Variants in ARHGAP21 observed in about 807,000 individuals in gnomAD.
ARHGAP21 encodes the protein rho GTPase-activating protein 21.
In ARHGAP21, 38 loss-of-function variants were observed where a neutral mutation model predicts 164.6. The ratio of observed to expected loss-of-function variants is 0.23; its 90% CI spans 0.18 to 0.30. The LOEUF (loss-of-function observed/expected upper bound fraction) is 0.30, where lower values mean the gene tolerates loss of function less well. Ranked by LOEUF, ARHGAP21 falls within the 10% of genes least tolerant of loss-of-function variation. The pLI is 1.00. For synonymous variants in ARHGAP21, 766 were observed against 857.9 expected, an observed-to-expected ratio of 0.89 and a Z score of 1.87; for missense variants, 1,822 against 2,370.7, an observed-to-expected ratio of 0.77 and a Z score of 4.81.
At chr10:24,592,337 C>T (rs1048207291) in intron 21 of ARHGAP21, among the ~76,000 whole-genome samples, 19 of 151,708 alleles carry the variant, frequency 1.3e-4, no homozygotes, top group African/African-American at 4.4e-4. Context: ...CCACAAGTGG[C>T]CTAGTTAGGA....
chr10:24,616,080 T>C (rs1421758967), intron 9 of ARHGAP21, among the ~76,000 whole-genome samples: 1 of 152,054 alleles, frequency 6.6e-6, no homozygotes, highest in Non-Finnish European at 1.5e-5. Flanking sequence ...ACCCGGACTA[T>C]TTTATTATTT....
At chr10:24,642,099 A>G (rs991310116) in intron 4 of ARHGAP21, among the ~76,000 whole-genome samples, 1 of 152,158 alleles carries the variant, frequency 6.6e-6, no homozygotes, top group Non-Finnish European at 1.5e-5. Context: ...AAACATTTTC[A>G]ATCTTGTCTT....
intron 17 of ARHGAP21, 113 bp from the exon 18 acceptor site, chr10:24,596,156 A>G (rs1382060884): frequency 2.6e-5 from 22 of 853,368 alleles, no homozygotes. Context: ...GCTGTTATGT[A>G]ATATAAAGAA....
At chr10:24,633,697 A>AT (rs1364532475) in intron 5 of ARHGAP21, among the ~76,000 whole-genome samples, 4 of 152,162 alleles carry the variant, frequency 2.6e-5, no homozygotes, top group Admixed American at 1.3e-4. Context: ...AAGTAAATAC[A>AT]TTTTAATATA....
intron 2 of ARHGAP21, among the ~76,000 whole-genome samples, chr10:24,672,674 T>C (rs764585675): frequency 1.3e-5 from 2 of 152,210 alleles, no homozygotes; most frequent in Non-Finnish European, 2.9e-5. Flanking sequence ...AATGCTTGAA[T>C]AGTCTTGCTT....
chr10:24,634,572 C>T (rs940150217), intron 5 of ARHGAP21, among the ~76,000 whole-genome samples: 22 of 152,190 alleles, frequency 1.4e-4, no homozygotes, highest in African/African-American at 4.3e-4. Flanking sequence ...GCTTATGTTC[C>T]GCATTGGAGA....
intron 25 of ARHGAP21, among the ~76,000 whole-genome samples, chr10:24,586,307 T>C (rs1255942403): frequency 1.3e-5 from 2 of 152,194 alleles, no homozygotes; most frequent in African/African-American, 4.8e-5. Context: ...GTCCAATTTC[T>C]TGCCTCGTGG....
chr10:24,670,115 T>TA, intron 3 of ARHGAP21, 103 bp downstream of exon 3: 2 of 722,686 alleles, frequency 2.8e-6, no homozygotes, highest in South Asian at 9.4e-5. Flanking sequence ...TTGATTCTTT[T>TA]AAGACAGAAA....
intron 2 of ARHGAP21, among the ~76,000 whole-genome samples, chr10:24,698,061 A>G (rs1843339046): frequency 6.6e-6 from 1 of 152,082 alleles, no homozygotes; most frequent in Non-Finnish European, 1.5e-5. Flanking sequence ...TAAGTGCTAC[A>G]TTCTTTAATG....
At chr10:24,648,636 C>G (rs1410239987) in intron 4 of ARHGAP21, among the ~76,000 whole-genome samples, 6 of 152,064 alleles carry the variant, frequency 3.9e-5, no homozygotes, top group Non-Finnish European at 8.8e-5. Flanking sequence ...AAAAATTAGC[C>G]AGGCGTGGTG....
chr10:24,656,354 C>T (rs1480808476), intron 4 of ARHGAP21, among the ~76,000 whole-genome samples: 3 of 106,576 alleles, frequency 2.8e-5, no homozygotes, highest in East Asian at 3.3e-4. Flanking sequence ...GGGTCAGCCC[C>T]CCCACCCGGC....
chr10:24,715,673 GGAA>G (rs1008905083), intron 2 of ARHGAP21, among the ~76,000 whole-genome samples: 11 of 152,292 alleles, frequency 7.2e-5, no homozygotes, highest in African/African-American at 2.6e-4. Flanking sequence ...GGAGGTCTAA[GGAA>G]GAACATATTT....
chr10:24,723,742 C>T lies in ARHGAP21; in HGVS notation c.-561G>A, dbSNP rs1348490902. On this transcript the variant is annotated 5_prime_UTR_variant, in exon 1 of 26. Transcript: ENST00000396432. ...CCCCCGGCCGGCCGCTCCCAGGCAC[C>T]GCCGCGACCTGCCCCGGCCGGCCCC... 2 of 146,174 alleles carry T rather than the reference C, an allele frequency of 1.4e-5. No individual in the cohort carries two copies. Among genetic ancestry groups the T allele is most frequent in the African/African-American group, 4.9e-5 (2 of 40,724 alleles). 9.1% of individuals were successfully genotyped at this position (146,174 alleles called of 1,614,324 possible).
At chr10:24,716,394 C>T (rs1845382235) in intron 2 of ARHGAP21, among the ~76,000 whole-genome samples, 1 of 152,140 alleles carries the variant, frequency 6.6e-6, no homozygotes, top group Non-Finnish European at 1.5e-5. Context: ...AGCAAAAGCC[C>T]GAAGGAGCCA....
intron 3 of ARHGAP21, among the ~76,000 whole-genome samples, chr10:24,667,570 A>G (rs1042723059): frequency 2.0e-5 from 3 of 152,314 alleles, no homozygotes; most frequent in Admixed American, 2.0e-4. Context: ...CTGCCATGTT[A>G]TCTACCTCTA....
chr10:24,616,669 G>C (rs1204695045), intron 9 of ARHGAP21, among the ~76,000 whole-genome samples: 3 of 152,056 alleles, frequency 2.0e-5, no homozygotes, highest in African/African-American at 7.2e-5. Flanking sequence ...CTGAGTGTAG[G>C]TAACAGTCGT....
chr10:24,625,299 GAAAA>G (rs34935501), intron 7 of ARHGAP21, among the ~76,000 whole-genome samples: 24 of 53,802 alleles, frequency 4.5e-4, no homozygotes, highest in South Asian at 1.7e-3. Flanking sequence ...ATGAAACAGA[GAAAA>G]AAAAAAAAAA....
At chr10:24,697,622 C>T (rs1316140038) in intron 2 of ARHGAP21, among the ~76,000 whole-genome samples, 2 of 152,028 alleles carry the variant, frequency 1.3e-5, no homozygotes, top group African/African-American at 2.4e-5. Context: ...TTTGGGAGGC[C>T]GAAGTGGGTG....
rs180945179 is a variant in ARHGAP21 at position 24,684,799 on chromosome 10, C to T, written c.64-14402G>A. On this transcript the variant is annotated intron_variant, in intron 2 of 25. Transcript: ENST00000396432. ...GATTACAGGCGCCCGCCATCTTGCC[C>T]GGCTAATTTTTGTACTTTTAGTAGA... 2.7e-3 allele frequency among the ~76,000 whole-genome samples: 416 copies of T among 152,176 alleles called. 3 individuals are homozygous for T. Among genetic ancestry groups the T allele is most frequent in the Non-Finnish European group, 4.3e-3 (293 of 67,998 alleles).
Sources: allele counts gnomAD v4.1 joint callset (sites outside exome capture counted in the v4.1 genomes callset), GRCh38; gene constraint gnomAD v4.1.1; transcripts MANE v1.5; gene names NCBI Gene and HGNC (gene_info 2026-07-23, HGNC 2026-07-21).